The following CDH18 variants were observed in gnomAD, a reference collection of about 807,000 sequenced individuals.
CDH18 encodes cadherin 18.
A neutral mutation model predicts 67.9 loss-of-function variants in CDH18; 31 were observed. The ratio of observed to expected loss-of-function variants is 0.46; its 90% confidence interval spans 0.34 to 0.62. The LOEUF is 0.62. CDH18 is among the 20% of genes least tolerant of loss of function. The pLI is 0.01. For missense variants in CDH18, 890 were observed against 975.5 expected (o/e 0.91, Z 1.17); for synonymous variants, 362 against 347.2 (o/e 1.04, Z -0.48).
intron 2 of CDH18, among the ~76,000 whole-genome samples, chr5:20,095,797 C>T (rs891566343): frequency 4.0e-5 from 6 of 149,724 alleles, no homozygotes; most frequent in African/African-American, 1.5e-4. Context: ...AAACTGTTAA[C>T]AAGATATAAA....
chr5:19,959,698 G>A (rs554569784), intron 2 of CDH18, among the ~76,000 whole-genome samples: 22 of 152,152 alleles, frequency 1.4e-4, no homozygotes, highest in Admixed American at 4.6e-4. Context: ...CAAGAAAAAT[G>A]ATTTTCAGTC....
In CDH18 at chr5:19,747,320, T is replaced by C. The variant is rs1162984862; in HGVS notation, c.229-84A>G. 3 of 1,132,694 alleles carry C rather than the reference T, an allele frequency of 2.6e-6. No homozygotes were observed. In the African/African-American group the frequency reaches 4.7e-5, roughly 18 times the overall value. The allele number at this position is 1,132,694 out of a possible 1,614,324, so 70.2% of individuals were successfully genotyped here. ...TCTCTGAAAACTCCCTATCTATAAT[T>C]ACTTTGGCTATGACTTTTCTTCCCT... On this transcript the variant is annotated intron_variant, in intron 3 of 12. Coordinates refer to ENST00000382275, the MANE Select transcript of CDH18 (RefSeq NM_004934.5).
intron 1 of CDH18, among the ~76,000 whole-genome samples, chr5:20,520,773 C>T (rs1755698312): frequency 6.6e-6 from 1 of 151,972 alleles, no homozygotes; most frequent in Non-Finnish European, 1.5e-5. Flanking sequence ...TTTGAGGTGC[C>T]TACTGGCATC....
chr5:19,668,491 T>G (rs1758284631), intron 5 of CDH18, among the ~76,000 whole-genome samples: 1 of 152,096 alleles, frequency 6.6e-6, no homozygotes, highest in Non-Finnish European at 1.5e-5. Flanking sequence ...GTAAATGCTA[T>G]GCATTTAATT....
At chr5:20,379,837 T>A (rs1743772011) in intron 1 of CDH18, among the ~76,000 whole-genome samples, 1 of 151,436 alleles carries the variant, frequency 6.6e-6, no homozygotes, top group South Asian at 2.1e-4. Context: ...AGAATCAGTA[T>A]GAGAAAAGGA....
At chr5:20,007,599 T>C (rs575277831) in intron 2 of CDH18, among the ~76,000 whole-genome samples, 1 of 151,504 alleles carries the variant, frequency 6.6e-6, no homozygotes, top group Non-Finnish European at 1.5e-5. Flanking sequence ...TAGTGCAGAA[T>C]TAGCAAGAGA....
At chr5:20,005,415 TACACACACACACAC>T (rs3065076) in intron 2 of CDH18, among the ~76,000 whole-genome samples, 6 of 147,194 alleles carry the variant, frequency 4.1e-5, no homozygotes, top group African/African-American at 1.0e-4. Context: ...TATATATATG[TACACACACACACAC>T]ACACACACAC....
At chr5:19,848,449 T>C (rs140237391) in intron 2 of CDH18, among the ~76,000 whole-genome samples, 2 of 152,238 alleles carry the variant, frequency 1.3e-5, no homozygotes, top group African/African-American at 4.8e-5. Context: ...GAGGAGCCTC[T>C]TAATCAGTTT....
intron 2 of CDH18, among the ~76,000 whole-genome samples, chr5:20,103,757 T>G (rs1403739326): frequency 6.7e-6 from 1 of 149,934 alleles, no homozygotes; most frequent in Non-Finnish European, 1.5e-5. Flanking sequence ...AAATATAAAT[T>G]GTGTATAATT....
chr5:19,505,122 GTTT>G (rs1743897698), intron 10 of CDH18, among the ~76,000 whole-genome samples: 1 of 151,894 alleles, frequency 6.6e-6, no homozygotes, highest in Non-Finnish European at 1.5e-5. Context: ...TGACAATCGT[GTTT>G]TTTTAAGAGA....
intron 5 of CDH18, among the ~76,000 whole-genome samples, chr5:19,630,276 T>C (rs1292990740): frequency 6.6e-6 from 1 of 152,154 alleles, no homozygotes; most frequent in Non-Finnish European, 1.5e-5. Flanking sequence ...TATTCAGTTA[T>C]TGATTTAAGA....
intron 1 of CDH18, among the ~76,000 whole-genome samples, chr5:20,328,514 A>T (rs1235332055): frequency 1.3e-5 from 2 of 149,968 alleles, no homozygotes; most frequent in African/African-American, 5.0e-5. Flanking sequence ...TGTGTGAGAG[A>T]GAGAGAGAGA....
At chr5:19,553,947 T>C (rs1197018304) in intron 8 of CDH18, among the ~76,000 whole-genome samples, 1 of 152,144 alleles carries the variant, frequency 6.6e-6, no homozygotes, top group Admixed American at 6.6e-5. Flanking sequence ...GACTCACCTT[T>C]AGCTTAACAA....
At chr5:20,285,502 T>C (rs2126716188) in intron 1 of CDH18, among the ~76,000 whole-genome samples, 1 of 150,502 alleles carries the variant, frequency 6.6e-6, no homozygotes, top group South Asian at 2.1e-4. Context: ...AGGAATAAAA[T>C]ATTATAACTT....
At chr5:20,074,424 A>G (rs537338628) in intron 2 of CDH18, among the ~76,000 whole-genome samples, 5 of 152,258 alleles carry the variant, frequency 3.3e-5, no homozygotes, top group African/African-American at 9.6e-5. Context: ...AGATTTGCAA[A>G]TTACTGTTTT....
At chr5:19,561,925 C>T (rs1190438477) in intron 8 of CDH18, among the ~76,000 whole-genome samples, 1 of 152,062 alleles carries the variant, frequency 6.6e-6, no homozygotes, top group Non-Finnish European at 1.5e-5. Context: ...GTTCTAATAT[C>T]AGCAATATAT....
chr5:20,523,458 C>T lies in CDH18; in HGVS notation c.-580+52004G>A, dbSNP rs75315753. 9.0e-3 allele frequency among the ~76,000 whole-genome samples: 1,371 copies of T among 152,290 alleles called. 10 individuals carry two copies. The highest frequency in any genetic ancestry group is 0.016 in the South Asian group (77 of 4,828). Reference sequence around the variant, plus strand: ...TTATGACGGTGATACATCAGACAACCTGCCTTCAATGTAATCTTAAAACTC... The same window carrying T: ...TTATGACGGTGATACATCAGACAACTTGCCTTCAATGTAATCTTAAAACTC... On this transcript the variant is annotated intron_variant, in intron 1 of 14. Coordinates refer to the CDH18 transcript ENST00000507958.
intron 2 of CDH18, among the ~76,000 whole-genome samples, chr5:19,905,704 T>C (rs997627302): frequency 6.6e-5 from 10 of 151,878 alleles, no homozygotes; most frequent in African/African-American, 2.4e-4. Flanking sequence ...CAGTTGGGGG[T>C]GACTTAGCAT....
intron 5 of CDH18, among the ~76,000 whole-genome samples, chr5:19,684,511 T>C (rs1163468453): frequency 6.6e-6 from 1 of 150,758 alleles, no homozygotes; most frequent in Non-Finnish European, 1.5e-5. Flanking sequence ...TATTAAAATA[T>C]ATGTACAGAA....
Sources: gnomAD v4.1 joint callset for allele counts (sites outside exome capture counted in the v4.1 genomes callset) on GRCh38, gnomAD v4.1.1 for gene constraint, MANE v1.5 for transcripts, NCBI Gene and HGNC (gene_info 2026-07-23, HGNC 2026-07-21) for gene names.